Variants in NIPBL observed in about 807,000 individuals in gnomAD.
NIPBL encodes NIPBL cohesin loading factor.
A neutral mutation model predicts 321.8 loss-of-function variants in NIPBL; 19 were observed. That is an observed-to-expected ratio of 0.06 (90% CI 0.04 to 0.09). The LOEUF is 0.09. Among genes scored for constraint, NIPBL ranks in the 10% least tolerant of loss-of-function variants. The pLI is 1.00. For missense variants in NIPBL, 2,210 were observed against 3,327.0 expected (o/e 0.66, Z 8.26); for synonymous variants, 1,106 against 1,114.1 (o/e 0.99, Z 0.14).
intron 34 of NIPBL, among the ~76,000 whole-genome samples, chr5:37,041,833 G>A (rs927912527): frequency 6.6e-5 from 10 of 151,760 alleles, no homozygotes; most frequent in South Asian, 4.2e-4. Context: ...CCAAAGAGCC[G>A]GGATTATAGG....
intron 6 of NIPBL, among the ~76,000 whole-genome samples, chr5:36,967,444 C>A (rs1241094270): frequency 3.3e-5 from 5 of 152,032 alleles, no homozygotes; most frequent in African/African-American, 1.2e-4. Flanking sequence ...CTAACAAGTT[C>A]TACCAAACAT....
intron 1 of NIPBL, among the ~76,000 whole-genome samples, chr5:36,940,763 A>G (rs1738977917): frequency 6.6e-6 from 1 of 152,160 alleles, no homozygotes; most frequent in African/African-American, 2.4e-5. Flanking sequence ...ATTGTCTTAA[A>G]ATGAACATAA....
intron 1 of NIPBL, among the ~76,000 whole-genome samples, chr5:36,932,902 A>G (rs1461101059): frequency 6.7e-6 from 1 of 149,816 alleles, no homozygotes; most frequent in Admixed American, 6.7e-5. Context: ...TGCTCAAGTG[A>G]TCCTTTCACT....
chr5:36,967,826 A>G (rs1196454438), intron 6 of NIPBL, among the ~76,000 whole-genome samples: 2 of 152,158 alleles, frequency 1.3e-5, no homozygotes, highest in Non-Finnish European at 2.9e-5. Context: ...CAGGCCAGGC[A>G]TGATTGCTCA....
intron 1 of NIPBL, among the ~76,000 whole-genome samples, chr5:36,942,999 A>G (rs1739282732): frequency 3.3e-5 from 5 of 152,168 alleles, no homozygotes; most frequent in Admixed American, 3.3e-4. Flanking sequence ...TTTAGTTAAA[A>G]AAAAACCCTT....
intron 1 of NIPBL, among the ~76,000 whole-genome samples, chr5:36,919,416 C>G (rs1186548336): frequency 6.6e-6 from 1 of 151,648 alleles, no homozygotes; most frequent in Non-Finnish European, 1.5e-5. Flanking sequence ...CCAGGCTGGC[C>G]TTGAACACCT....
At position 37,020,659 on chromosome 5, in the gene NIPBL, G is replaced by A. The variant is rs587783962; in HGVS notation, c.5211G>A (p.Gln1737=). The change falls in exon 26 of 47, where the codon CAG becomes CAA. Residue 1737 remains glutamine (Q), a synonymous_variant. Transcript: ENST00000282516. The part of the protein sequence containing the change: ...LRSIIKTTPS[Q]FSTLKMNSDT... ...GCATTATCAAAACCACACCTTCTCA[G>A]TTTAGCACATTAAAGTAAGATCCAA... 3 of 1,613,670 alleles carry A rather than the reference G, an allele frequency of 1.9e-6. No individual in the cohort carries two copies. In the African/African-American group the frequency reaches 4.0e-5, roughly 22 times the overall value.
chr5:37,030,258 C>G (rs1308019226), intron 32 of NIPBL, among the ~76,000 whole-genome samples: 1 of 152,138 alleles, frequency 6.6e-6, no homozygotes, highest in Admixed American at 6.6e-5. Context: ...TATTCATGCT[C>G]TCTATTCTAT....
intron 10 of NIPBL, among the ~76,000 whole-genome samples, chr5:36,988,131 G>T (rs2149650076): frequency 6.6e-6 from 1 of 152,206 alleles, no homozygotes; most frequent in East Asian, 1.9e-4. Flanking sequence ...AGAACATCCA[G>T]AAGTGAATAT....
At chr5:36,988,237 T>C (rs927593363) in intron 10 of NIPBL, among the ~76,000 whole-genome samples, 2 of 152,212 alleles carry the variant, frequency 1.3e-5, no homozygotes, top group Non-Finnish European at 2.9e-5. Context: ...AATGCGTTTC[T>C]GATAGTATAC....
chr5:37,038,069 A>T (rs1168626859), intron 33 of NIPBL, among the ~76,000 whole-genome samples: 6 of 148,216 alleles, frequency 4.0e-5, no homozygotes, highest in African/African-American at 1.5e-4. Context: ...AGCTCAATGC[A>T]GCCTAGAACT....
chr5:37,028,333 CTTTTT>C (rs10676635), intron 32 of NIPBL, among the ~76,000 whole-genome samples: 4 of 102,556 alleles, frequency 3.9e-5, no homozygotes, highest in African/African-American at 1.7e-4. Context: ...TTCCATAATA[CTTTTT>C]TTTTTTTTTT....
chr5:37,021,529 A>G (rs1328837562), intron 27 of NIPBL, among the ~76,000 whole-genome samples: 3 of 151,452 alleles, frequency 2.0e-5, no homozygotes, highest in Non-Finnish European at 2.9e-5. Flanking sequence ...AAAAATACAA[A>G]AAATTAGCTG....
chr5:36,974,378 G>C (rs953981700), intron 8 of NIPBL, among the ~76,000 whole-genome samples: 3 of 152,134 alleles, frequency 2.0e-5, no homozygotes, highest in African/African-American at 7.2e-5. Context: ...AGAATTTGAA[G>C]TTTGTTCTAA....
intron 5 of NIPBL, 42 bp downstream of exon 5, chr5:36,961,625 G>A (rs1741636682): frequency 8.6e-7 from 1 of 1,169,084 alleles, no homozygotes; most frequent in African/African-American, 1.5e-5. Flanking sequence ...TGTCTTGTAT[G>A]GTGAATATGC....
intron 34 of NIPBL, among the ~76,000 whole-genome samples, chr5:37,043,306 G>A (rs1216600874): frequency 2.6e-5 from 4 of 152,012 alleles, no homozygotes; most frequent in Admixed American, 2.0e-4. Context: ...GAGGCAGGTG[G>A]ATCACGAGGT....
At position 37,063,993 on chromosome 5, in the gene NIPBL, G is replaced by T. The variant is rs1367029701; in HGVS notation, c.8049+15G>T. The T allele has an allele frequency of 1.2e-6, 2 of 1,613,406 alleles. No homozygotes were observed. Among genetic ancestry groups the T allele is most frequent in the African/African-American group, 1.3e-5 (1 of 74,910 alleles). ...GCACTTCAGGGGTGAGGCGGAGGAG[G>T]AGTCAACGTATTTCGCAGCGTATTA... On this transcript the variant is annotated intron_variant, in intron 46 of 46. Transcript: ENST00000282516.
chr5:37,052,770 A>G (rs1579584678), intron 42 of NIPBL, among the ~76,000 whole-genome samples: 1 of 152,218 alleles, frequency 6.6e-6, no homozygotes. Context: ...ATGAGGAATA[A>G]TGTATAATTT....
intron 21 of NIPBL, among the ~76,000 whole-genome samples, chr5:37,014,413 G>T (rs189037074): frequency 6.6e-6 from 1 of 150,830 alleles, no homozygotes; most frequent in African/African-American, 2.4e-5. Flanking sequence ...CCAGGATTAT[G>T]ATAAACAACT....
Sources: gnomAD v4.1 joint callset for allele counts (sites outside exome capture counted in the v4.1 genomes callset) on GRCh38, gnomAD v4.1.1 for gene constraint, MANE v1.5 for transcripts, NCBI Gene and HGNC (gene_info 2026-07-23, HGNC 2026-07-21) for gene names.